Variants in MSX2 observed in about 807,000 individuals in gnomAD.
MSX2 encodes homeobox protein MSX-2.
In MSX2, 10 loss-of-function variants were observed where a neutral mutation model predicts 18.4. That is an observed-to-expected ratio of 0.54 (90% CI 0.34 to 0.92). The LOEUF is 0.92. Ranked by LOEUF, MSX2 falls within the 40% of genes least tolerant of loss-of-function variation. MSX2 has a pLI of 0.02. For missense variants in MSX2, 339 were observed against 364.0 expected (o/e 0.93, Z 0.56); for synonymous variants, 170 against 165.6 (o/e 1.03, Z -0.20).
At chr5:174,725,442 G>C (rs1162461258) in intron 1 of MSX2, among the ~76,000 whole-genome samples, 1 of 152,152 alleles carries the variant, frequency 6.6e-6, no homozygotes, top group Non-Finnish European at 1.5e-5. Flanking sequence ...TCCATGTTCA[G>C]TGAGCACTTG....
chr5:174,725,135 C>A, intron 1 of MSX2, 97 bp downstream of exon 1: 1 of 1,511,672 alleles, frequency 6.6e-7, no homozygotes, highest in Admixed American at 2.1e-5. Flanking sequence ...GACCCTTCTG[C>A]GTGCGCTACA....
At chr5:174,727,264 C>T (rs1392421304) in intron 1 of MSX2, among the ~76,000 whole-genome samples, 2 of 152,054 alleles carry the variant, frequency 1.3e-5, no homozygotes, top group African/African-American at 2.4e-5. Context: ...TAATCGCATC[C>T]TTCCTCTGGC....
At position 174,729,292 on chromosome 5, in the gene MSX2, G is replaced by T. The variant is rs1169833296; in HGVS notation, c.513G>T (p.Glu171Asp). Residue 171 changes from glutamate (E) to aspartate (D), a missense_variant, in exon 2 of 2, where the codon GAG becomes GAT. Physicochemically the swap from Glu to Asp is conservative, Grantham distance 45. Transcript: ENST00000239243. ...AGAAACAGTACCTCTCCATTGCAGA[G>T]CGTGCAGAGTTCTCCAGCTCTCTGA... is the stretch of plus-strand genomic sequence containing the variant. ...FRQKQYLSIAERAEFSSSLNL... is the reference protein window; with the variant it reads ...FRQKQYLSIADRAEFSSSLNL... 1.9e-6 allele frequency: 3 copies of T among 1,614,060 alleles called. No individual in the cohort carries two copies. The highest frequency in any genetic ancestry group is 2.5e-6 in the Non-Finnish European group (3 of 1,180,048).
chr5:174,725,956 G>T (rs1760787339), intron 1 of MSX2, among the ~76,000 whole-genome samples: 1 of 152,142 alleles, frequency 6.6e-6, no homozygotes, highest in Non-Finnish European at 1.5e-5. Flanking sequence ...TTGGCCAGGG[G>T]CACCTGTTGC....
intron 1 of MSX2, among the ~76,000 whole-genome samples, chr5:174,727,012 A>G (rs1760816050): frequency 6.6e-6 from 1 of 152,144 alleles, no homozygotes; most frequent in African/African-American, 2.4e-5. Context: ...AACCGAGTTT[A>G]TAACCTGCAC....
In MSX2 at chr5:174,730,625, TAA is replaced by T. The variant is rs1200048282; in HGVS notation, c.*1044_*1045del. On this transcript the variant is annotated 3_prime_UTR_variant, in exon 2 of 2. Transcript: ENST00000239243. ...CTGTGTGTGTACCTGTTGTATGTCC[TAA>T]ACTTATTAGAAAATTTTATATACTT... 1.3e-5 allele frequency: 2 copies of T among 152,598 alleles called. No homozygotes were observed. The highest frequency in any genetic ancestry group is 4.8e-5 in the African/African-American group (2 of 41,436). The allele number at this position is 152,598 out of a possible 1,614,324, so 9.5% of individuals were successfully genotyped here.
At chr5:174,728,456 C>T (rs549125043) in intron 1 of MSX2, among the ~76,000 whole-genome samples, 10 of 152,308 alleles carry the variant, frequency 6.6e-5, no homozygotes, top group African/African-American at 2.4e-4. Flanking sequence ...GGGACTGCCC[C>T]CAAATTCAAA....
In MSX2 at chr5:174,724,764, G is replaced by T. The variant is rs1489073632; in HGVS notation, c.105G>T (p.Ala35=). The change falls in exon 1 of 2, where the codon GCG becomes GCT. Residue 35 remains alanine, a synonymous_variant. Transcript: ENST00000239243. ...GGCCTGGGGGCGCCGAGGGGGCCGCGGAGGAGCGCCGCGTCAAGGTCTCCA... is the reference window on the plus strand; with the variant it reads ...GGCCTGGGGGCGCCGAGGGGGCCGCTGAGGAGCGCCGCGTCAAGGTCTCCA... ...GPGPGGAEGA[A]EERRVKVSSL... is the part of the protein sequence containing the mutation. 4 of 1,562,034 alleles carry T rather than the reference G, an allele frequency of 2.6e-6. No homozygotes were observed. The highest frequency in any genetic ancestry group is 4.7e-5 in the East Asian group (2 of 42,122).
At chr5:174,726,647 G>T (rs936555695) in intron 1 of MSX2, among the ~76,000 whole-genome samples, 14 of 149,778 alleles carry the variant, frequency 9.3e-5, no homozygotes, top group Non-Finnish European at 1.9e-4. Context: ...GTGGCAGACA[G>T]ACAGGGCTCT....
In MSX2 at chr5:174,724,759, G is replaced by A; in HGVS notation, c.100G>A (p.Ala34Thr). ...CCCGGGGCCTGGGGGCGCCGAGGGG[G>A]CCGCGGAGGAGCGCCGCGTCAAGGT... ...PGPGPGGAEG[A>T]AEERRVKVSS... The change falls in exon 1 of 2, where the codon GCC becomes ACC. Residue 34 changes from alanine to threonine, a missense_variant. Ala to Thr is a moderately conservative substitution (Grantham distance 58). Coordinates refer to ENST00000239243, the MANE Select transcript of MSX2 (RefSeq NM_002449.5). 6.4e-7 allele frequency: 1 copy of A among 1,566,048 alleles called. No homozygotes were observed.
At chr5:174,725,869 C>T (rs759970866) in intron 1 of MSX2, among the ~76,000 whole-genome samples, 9 of 152,150 alleles carry the variant, frequency 5.9e-5, no homozygotes, top group Non-Finnish European at 1.0e-4. Context: ...TTGTGACTAC[C>T]CTATTTTTCA....
chr5:174,728,664 C>T (rs1040303418), intron 1 of MSX2, among the ~76,000 whole-genome samples: 5 of 152,184 alleles, frequency 3.3e-5, no homozygotes, highest in Non-Finnish European at 7.3e-5. Flanking sequence ...CCTGGTCTCC[C>T]ATTTTTAAAG....
At position 174,730,045 on chromosome 5, in the gene MSX2, T is replaced by C. The variant is rs1434303687; in HGVS notation, c.*462T>C. ...CAAAATGTGCTAAAGTCAATGATTT[T>C]TACGGGATTATTGACTTCTGCTTAT... On this transcript the variant is annotated 3_prime_UTR_variant, in exon 2 of 2. Coordinates refer to ENST00000239243, the MANE Select transcript of MSX2 (RefSeq NM_002449.5). The C allele has an allele frequency of 6.6e-6, 1 of 152,204 alleles. No individual in the cohort carries two copies. Among genetic ancestry groups the C allele is most frequent in the African/African-American group, 2.4e-5 (1 of 41,426 alleles). 9.4% of individuals were successfully genotyped at this position (152,204 alleles called of 1,614,324 possible). A position where few individuals can be genotyped will look rare whatever the true frequency, so the allele number is the denominator to read the frequency against.
chr5:174,728,854 C>G (rs12657863), intron 1 of MSX2, among the ~76,000 whole-genome samples: 4 of 151,866 alleles, frequency 2.6e-5, no homozygotes, highest in Non-Finnish European at 4.4e-5. Context: ...TTTTAAAAAA[C>G]GAAGCAACTT....
chr5:174,724,606 C>T lies in MSX2; in HGVS notation c.-54C>T, dbSNP rs1760730598. On this transcript the variant is annotated 5_prime_UTR_variant, in exon 1 of 2. Transcript: ENST00000239243. ...CGCAGCAAAAAAGTTTGAGTCGCCG[C>T]TGCCGGGTTGCCAGCGGAGTCGCGC... 6.4e-7 allele frequency: 1 copy of T among 1,551,416 alleles called. No individual in the cohort carries two copies. The highest frequency in any genetic ancestry group is 1.4e-5 in the African/African-American group (1 of 73,376).
chr5:174,724,635 G>T lies in MSX2; in HGVS notation c.-25G>T, dbSNP rs749375554. 26 of 1,573,852 alleles carry T rather than the reference G, an allele frequency of 1.7e-5. No homozygotes were observed. Among genetic ancestry groups the T allele is most frequent in the East Asian group, 2.3e-5 (1 of 42,978 alleles). ...CGGGTTGCCAGCGGAGTCGCGCGTC[G>T]GGAGCTACGTAGGGCAGAGAAGTCA... On this transcript the variant is annotated 5_prime_UTR_variant, in exon 1 of 2. Transcript: ENST00000239243.
chr5:174,725,092 G>C (rs757965685), intron 1 of MSX2, 54 bp downstream of exon 1: 4 of 1,595,748 alleles, frequency 2.5e-6, no homozygotes, highest in Non-Finnish European at 8.5e-7. Flanking sequence ...TGGAGGGAGC[G>C]GGGGGCGGGT....
intron 1 of MSX2, among the ~76,000 whole-genome samples, chr5:174,726,519 G>C (rs1189350725): frequency 6.7e-6 from 1 of 148,612 alleles, no homozygotes; most frequent in South Asian, 2.1e-4. Context: ...TAGGGCAGCA[G>C]CCGGCCTCTT....
At chr5:174,725,869 C>G (rs759970866) in intron 1 of MSX2, among the ~76,000 whole-genome samples, 1 of 152,150 alleles carries the variant, frequency 6.6e-6, no homozygotes, top group East Asian at 1.9e-4. Context: ...TTGTGACTAC[C>G]CTATTTTTCA....
Sources: gnomAD v4.1 joint callset for allele counts (sites outside exome capture counted in the v4.1 genomes callset) on GRCh38, gnomAD v4.1.1 for gene constraint, MANE v1.5 for transcripts, NCBI Gene and HGNC (gene_info 2026-07-23, HGNC 2026-07-21) for gene names.